CSMD3: variants seen among roughly 807,000 people sequenced by gnomAD.
The protein encoded by CSMD3 is CUB and sushi domain-containing protein 3.
A neutral mutation model predicts 435.2 loss-of-function variants in CSMD3; 177 were observed. The observed-to-expected ratio is 0.41, with a 90% confidence interval of 0.36 to 0.46. The LOEUF is 0.46. Among genes scored for constraint, CSMD3 ranks in the 20% least tolerant of loss-of-function variants. CSMD3 has a pLI of 0.34. For synonymous variants in CSMD3, 1,656 were observed against 1,520.5 expected, an observed-to-expected ratio of 1.09 and a Z score of -2.07; for missense variants, 4,265 against 4,504.6, an observed-to-expected ratio of 0.95 and a Z score of 1.52.
chr8:112,576,697 A>T (rs1229579700), intron 23 of CSMD3, among the ~76,000 whole-genome samples: 1 of 137,424 alleles, frequency 7.3e-6, no homozygotes, highest in East Asian at 2.4e-4. Flanking sequence ...AGCCTGGCTA[A>T]TTTTTGTATT....
At chr8:113,342,717 T>G (rs962138055) in intron 1 of CSMD3, among the ~76,000 whole-genome samples, 1 of 152,118 alleles carries the variant, frequency 6.6e-6, no homozygotes, top group Non-Finnish European at 1.5e-5. Flanking sequence ...GCAAATACTT[T>G]GGGCTTTCCA....
At chr8:112,580,048 A>T (rs530521958) in intron 23 of CSMD3, among the ~76,000 whole-genome samples, 2 of 152,172 alleles carry the variant, frequency 1.3e-5, no homozygotes, top group East Asian at 3.9e-4. Flanking sequence ...CTTTATTCTG[A>T]ACATTGTCCT....
intron 27 of CSMD3, among the ~76,000 whole-genome samples, chr8:112,518,899 C>T (rs1823986974): frequency 1.3e-5 from 2 of 151,866 alleles, no homozygotes; most frequent in South Asian, 4.2e-4. Context: ...CTACATCTTA[C>T]CATGGCAGAG....
intron 32 of CSMD3, among the ~76,000 whole-genome samples, chr8:112,411,371 G>T (rs905605804): frequency 6.6e-6 from 1 of 151,888 alleles, no homozygotes; most frequent in African/African-American, 2.4e-5. Context: ...AAAGCTAGGA[G>T]TGGGGGAGTA....
chr8:112,753,963 G>A (rs2077632497), intron 13 of CSMD3, among the ~76,000 whole-genome samples: 2 of 133,276 alleles, frequency 1.5e-5, no homozygotes. Context: ...TATTAAAGAA[G>A]TTTGAGAAAG....
At chr8:113,410,557 A>G (rs2094553493) in intron 1 of CSMD3, among the ~76,000 whole-genome samples, 1 of 151,896 alleles carries the variant, frequency 6.6e-6, no homozygotes, top group Non-Finnish European at 1.5e-5. Context: ...TGTTTCTTTA[A>G]TTAGATTCCC....
At chr8:112,318,257 C>T (rs1431214521) in intron 47 of CSMD3, among the ~76,000 whole-genome samples, 1 of 151,996 alleles carries the variant, frequency 6.6e-6, no homozygotes, top group Non-Finnish European at 1.5e-5. Context: ...CAAGCTTTCC[C>T]TACCCCACAA....
intron 56 of CSMD3, 143 bp from the exon 57 acceptor site, chr8:112,289,681 G>A: frequency 3.4e-6 from 2 of 595,718 alleles, no homozygotes; most frequent in Non-Finnish European, 5.6e-6. Flanking sequence ...TATGTTGAAG[G>A]TGTCTTTTTA....
chr8:113,187,630 T>C (rs2092526783), intron 3 of CSMD3, among the ~76,000 whole-genome samples: 1 of 152,118 alleles, frequency 6.6e-6, no homozygotes, highest in African/African-American at 2.4e-5. Context: ...GTCTCAGAAA[T>C]GTGGTTGAGT....
intron 5 of CSMD3, among the ~76,000 whole-genome samples, chr8:113,063,217 G>A (rs1356693870): frequency 6.6e-6 from 1 of 150,922 alleles, no homozygotes; most frequent in African/African-American, 2.4e-5. Context: ...CACAGTGATA[G>A]AATTGAGATT....
At chr8:113,233,790 A>G (rs533585815) in intron 3 of CSMD3, among the ~76,000 whole-genome samples, 2 of 152,204 alleles carry the variant, frequency 1.3e-5, no homozygotes, top group African/African-American at 4.8e-5. Context: ...TAAGGCAATA[A>G]GCATAATTTT....
chr8:113,070,376 A>T (rs2089055854), intron 5 of CSMD3, among the ~76,000 whole-genome samples: 1 of 152,034 alleles, frequency 6.6e-6, no homozygotes, highest in Admixed American at 6.6e-5. Flanking sequence ...GGTGGCATTA[A>T]GTAGTACATC....
At chr8:113,070,801 T>G (rs1326451528) in intron 5 of CSMD3, among the ~76,000 whole-genome samples, 1 of 152,064 alleles carries the variant, frequency 6.6e-6, no homozygotes. Flanking sequence ...AGGTATCTCT[T>G]TAACATTTCA....
Position 112,224,831 on chromosome 8 carries a change from T to G in CSMD3, c.11064A>C (p.Ser3688=). Residue 3688 remains serine, a synonymous_variant, in exon 71 of 71, where the codon TCA becomes TCC. Coordinates refer to ENST00000297405, the MANE Select transcript of CSMD3 (RefSeq NM_198123.2). ...CAAATCGTACCGCCTTCCCTTCCAC[T>G]GACTTTGCGTTGGTGTCATACATGG... ...ENPMYDTNAK[S]VEGKAVRFDP... The G allele has an allele frequency of 6.2e-7, 1 of 1,614,126 alleles. No individual in the cohort carries two copies. The highest frequency in any genetic ancestry group is 8.5e-7 in the Non-Finnish European group (1 of 1,179,962).
At chr8:112,419,293 T>C (rs1162675475) in intron 32 of CSMD3, among the ~76,000 whole-genome samples, 1 of 152,150 alleles carries the variant, frequency 6.6e-6, no homozygotes. Context: ...GGGCCAATCC[T>C]GCCTTTGAGC....
intron 32 of CSMD3, among the ~76,000 whole-genome samples, chr8:112,416,599 G>C (rs1487881874): frequency 6.6e-6 from 1 of 152,170 alleles, no homozygotes; most frequent in Non-Finnish European, 1.5e-5. Context: ...ACATTATATA[G>C]AGGTTCACTG....
chr8:112,384,514 A>T (rs1368125728), intron 36 of CSMD3, among the ~76,000 whole-genome samples: 2 of 152,196 alleles, frequency 1.3e-5, no homozygotes, highest in Admixed American at 6.5e-5. Context: ...TCTTTATTAA[A>T]TTTTTTGTGG....
At chr8:112,457,751 C>T (rs1816981906) in intron 32 of CSMD3, among the ~76,000 whole-genome samples, 1 of 151,916 alleles carries the variant, frequency 6.6e-6, no homozygotes, top group Non-Finnish European at 1.5e-5. Context: ...GTTTGTGGCT[C>T]CATACTCCTT....
At position 112,963,658 on chromosome 8, in the gene CSMD3, A is replaced by G. The variant is rs567876156; in HGVS notation, c.1343-8897T>C. Among the ~76,000 whole-genome samples the G allele has an allele frequency of 2.0e-5, 3 of 152,080 alleles. No individual in the cohort carries two copies. In the East Asian group the frequency reaches 5.8e-4, roughly 29 times the overall value. On this transcript the variant is annotated intron_variant, in intron 7 of 70. Coordinates refer to ENST00000297405, the MANE Select transcript of CSMD3 (RefSeq NM_198123.2). ...ACAGAGATTCACAAAGATAGAGTAG[A>G]TAAACAAAATTTAAATGCGTTGGCT...
Sources: gnomAD v4.1 joint callset for allele counts (sites outside exome capture counted in the v4.1 genomes callset) on GRCh38, gnomAD v4.1.1 for gene constraint, MANE v1.5 for transcripts, NCBI Gene and HGNC (gene_info 2026-07-23, HGNC 2026-07-21) for gene names.